Variants in TM9SF3 observed in about 807,000 individuals in gnomAD.
The protein encoded by TM9SF3 is SM-11044-binding protein.
In TM9SF3, 14 loss-of-function variants were observed where a neutral mutation model predicts 78.6. That is an observed-to-expected ratio of 0.18 (90% CI 0.12 to 0.28). The LOEUF (loss-of-function observed/expected upper bound fraction) is 0.28, where lower values mean the gene tolerates loss of function less well. Ranked by LOEUF, TM9SF3 falls within the 10% of genes least tolerant of loss-of-function variation. The probability of loss-of-function intolerance (pLI) is 1.00; values close to 1 mark genes in which losing one functional copy is unlikely to be tolerated. For synonymous variants in TM9SF3, 231 were observed against 241.7 expected, an observed-to-expected ratio of 0.96 and a Z score of 0.41; for missense variants, 496 against 721.9, an observed-to-expected ratio of 0.69 and a Z score of 3.59.
At chr10:96,522,807 T>C (rs1357891003) in intron 14 of TM9SF3, among the ~76,000 whole-genome samples, 1 of 151,916 alleles carries the variant, frequency 6.6e-6, no homozygotes, top group Non-Finnish European at 1.5e-5. Flanking sequence ...GTTGAAGCTC[T>C]AGAGAAGAGG....
chr10:96,580,809 A>C (rs1848560255), intron 1 of TM9SF3, among the ~76,000 whole-genome samples: 1 of 152,140 alleles, frequency 6.6e-6, no homozygotes. Context: ...ATGAACACTT[A>C]AATAATCATC....
chr10:96,531,556 GA>G (rs1315096767), intron 10 of TM9SF3, among the ~76,000 whole-genome samples: 1 of 150,856 alleles, frequency 6.6e-6, no homozygotes. Context: ...TTTGAGAGCT[GA>G]AAAAAAAACT....
chr10:96,584,969 A>T (rs1237588773), intron 1 of TM9SF3, among the ~76,000 whole-genome samples: 2 of 152,224 alleles, frequency 1.3e-5, no homozygotes, highest in African/African-American at 4.8e-5. Context: ...ACCTTTTATC[A>T]AATATCTTAT....
intron 9 of TM9SF3, among the ~76,000 whole-genome samples, chr10:96,540,537 T>A (rs987421115): frequency 5.9e-5 from 9 of 152,130 alleles, no homozygotes; most frequent in African/African-American, 1.9e-4. Flanking sequence ...TACCAGGGAA[T>A]CTTTCCTCTT....
intron 14 of TM9SF3, among the ~76,000 whole-genome samples, chr10:96,526,700 G>C (rs2134128879): frequency 6.6e-6 from 1 of 152,212 alleles, no homozygotes; most frequent in East Asian, 1.9e-4. Context: ...CCAGTCTGTA[G>C]ATACCCAAGT....
In TM9SF3 at chr10:96,587,006, C is replaced by A. The variant is rs1284325891; in HGVS notation, c.-171G>T. 1 of 343,378 alleles carries A rather than the reference C, an allele frequency of 2.9e-6. No homozygotes were observed. Among genetic ancestry groups the A allele is most frequent in the Non-Finnish European group, 4.6e-6 (1 of 215,484 alleles). 21.3% of individuals were successfully genotyped at this position (343,378 alleles called of 1,614,324 possible). The stretch of plus-strand genomic sequence containing the variant: ...TGCCGCCGCCGTCGCCGTCACCGCC[C>A]GCTCCTGAGCCTCCCCCGCCCCCCG... On this transcript the variant is annotated 5_prime_UTR_variant, in exon 1 of 15. Transcript: ENST00000371142.
chr10:96,531,580 A>G (rs1413732885), intron 10 of TM9SF3, among the ~76,000 whole-genome samples: 1 of 152,222 alleles, frequency 6.6e-6, no homozygotes. Context: ...AAAATCATTT[A>G]ATGTAGTCTT....
chr10:96,586,615 G>C lies in TM9SF3; in HGVS notation c.102+119C>G, dbSNP rs116552311. ...GCTCCGCCAGGCCCAACCGGAAGGA[G>C]TCCTCGGGCCGCAGTGGGGCACCAC... On this transcript the variant is annotated intron_variant, in intron 1 of 14. Transcript: ENST00000371142. 2.0e-3 allele frequency: 1,682 copies of C among 841,310 alleles called. 23 individuals are homozygous for C. In the African/African-American group the frequency reaches 0.028, roughly 14 times the overall value. 52.1% of individuals were successfully genotyped at this position (841,310 alleles called of 1,614,324 possible).
intron 2 of TM9SF3, among the ~76,000 whole-genome samples, chr10:96,575,729 CAA>C (rs76895654): frequency 2.2e-4 from 28 of 126,462 alleles, no homozygotes; most frequent in Admixed American, 4.7e-4. Flanking sequence ...AATACAGTAC[CAA>C]AAAAAAAAAA....
rs919328053 is a variant in TM9SF3, at chr10:96,533,067, T to C, written c.1309A>G (p.Ile437Val). 5 of 1,613,880 alleles carry C rather than the reference T, an allele frequency of 3.1e-6. No individual in the cohort carries two copies. The highest frequency in any genetic ancestry group is 1.3e-5 in the African/African-American group (1 of 74,886). Residue 437 changes from isoleucine (I) to valine (V), a missense_variant, in exon 10 of 15, where the codon ATA (isoleucine) becomes GTA (valine). Around this residue, in one of 4 missense-constraint regions of TM9SF3, gnomAD observed 280 missense variants for 422.6 expected, o/e 0.66. Coordinates refer to ENST00000371142, the MANE Select transcript of TM9SF3 (RefSeq NM_020123.4). Reference sequence around the variant, plus strand: ...TCTCTTTACCATTTTTTCTCCGGTATAGGACGAGGCACAGCATTGACACGA... The same window carrying C: ...TCTCTTTACCATTTTTTCTCCGGTACAGGACGAGGCACAGCATTGACACGA... Reference protein sequence around the residue: ...PCRVNAVPRPIPEKKWFMEPA... With the variant: ...PCRVNAVPRPVPEKKWFMEPA...
chr10:96,545,902 TCAA>T (rs1848092335), intron 8 of TM9SF3, among the ~76,000 whole-genome samples: 1 of 152,016 alleles, frequency 6.6e-6, no homozygotes, highest in South Asian at 2.1e-4. Context: ...AATCAATCAA[TCAA>T]TCAATCAATC....
intron 1 of TM9SF3, among the ~76,000 whole-genome samples, chr10:96,580,081 T>C (rs1848544845): frequency 6.6e-6 from 1 of 152,122 alleles, no homozygotes; most frequent in Admixed American, 6.5e-5. Flanking sequence ...AGCACGATAA[T>C]AATCCCTTTC....
chr10:96,553,204 C>CT (rs1322515311), intron 5 of TM9SF3, 145 bp from the exon 6 acceptor site: 2 of 792,528 alleles, frequency 2.5e-6, no homozygotes, highest in Non-Finnish European at 3.6e-6. Context: ...ATTTCAGACA[C>CT]TTTGAGGATG....
At position 96,562,099 on chromosome 10, in the gene TM9SF3, T is replaced by C. The variant is rs747819150; in HGVS notation, c.461A>G (p.Tyr154Cys). 5 of 1,612,980 alleles carry C rather than the reference T, an allele frequency of 3.1e-6. No individual in the cohort carries two copies. Among genetic ancestry groups the C allele is most frequent in the East Asian group, 2.2e-5 (1 of 44,802 alleles). ...TTCAAGTTTTTTATAGGTCCAAAGA[T>C]AGTAATCTTCTCCATTTTCATCAGC... ...GEADENGEDY[Y>C]LWTYKKLEIG... The change falls in exon 4 of 15, where the codon TAT becomes TGT. Residue 154 changes from tyrosine (Y) to cysteine (C), a missense_variant. This residue lies in a region of TM9SF3 where 155 missense variants were observed against 241.6 expected (regional missense o/e 0.64). Transcript: ENST00000371142.
chr10:96,548,079 A>G (rs952722015), intron 7 of TM9SF3, 90 bp from the exon 8 acceptor site: 2 of 784,112 alleles, frequency 2.6e-6, no homozygotes, highest in Non-Finnish European at 3.9e-6. Flanking sequence ...TTAATTTCAA[A>G]GATAACTTTA....
At chr10:96,548,539 T>C (rs1482271686) in intron 7 of TM9SF3, among the ~76,000 whole-genome samples, 1 of 152,158 alleles carries the variant, frequency 6.6e-6, no homozygotes, top group Non-Finnish European at 1.5e-5. Flanking sequence ...GGCTCACACC[T>C]GTAATCCGAG....
In TM9SF3 at chr10:96,547,997, G is replaced by C; in HGVS notation, c.960-8C>G. 1 of 1,556,104 alleles carries C rather than the reference G, an allele frequency of 6.4e-7. No homozygotes were observed. The highest frequency in any genetic ancestry group is 8.6e-7 in the Non-Finnish European group (1 of 1,156,292). ...CTGAGCATTGATCCCCTCCTAAAAA[G>C]GCAAAAAAGAAAAAAAAAATTAAAA... is the stretch of plus-strand genomic sequence containing the variant. On this transcript the variant is annotated splice_region_variant and splice_polypyrimidine_tract_variant and intron_variant, in intron 7 of 14. Coordinates refer to ENST00000371142, the MANE Select transcript of TM9SF3 (RefSeq NM_020123.4).
intron 3 of TM9SF3, among the ~76,000 whole-genome samples, chr10:96,564,653 T>C (rs181969374): frequency 7.2e-5 from 11 of 152,338 alleles, no homozygotes; most frequent in African/African-American, 2.2e-4. Context: ...ACATTCATTA[T>C]ACATAACAGC....
At chr10:96,552,232 G>T (rs111708690) in intron 6 of TM9SF3, among the ~76,000 whole-genome samples, 30 of 152,200 alleles carry the variant, frequency 2.0e-4, no homozygotes, top group African/African-American at 6.7e-4. Flanking sequence ...CAGGAAGATC[G>T]TTTGAGGCCA....
Sources: gnomAD v4.1 joint callset for allele counts (sites outside exome capture counted in the v4.1 genomes callset) on GRCh38, gnomAD v4.1.1 for gene constraint, gnomAD v4.1.1 regional missense constraint, MANE v1.5 for transcripts, NCBI Gene and HGNC (gene_info 2026-07-23, HGNC 2026-07-21) for gene names.